COL25A1: variants seen among roughly 807,000 people sequenced by gnomAD.
The protein encoded by COL25A1 is collagen type XXV alpha 1 chain.
In COL25A1, 103 loss-of-function variants were observed where a neutral mutation model predicts 128.4. The observed-to-expected ratio is 0.80, with a 90% CI of 0.68 to 0.94. COL25A1 has a LOEUF of 0.94. Among genes scored for constraint, COL25A1 ranks in the 40% least tolerant of loss-of-function variants. COL25A1 has a pLI of 0.00. For synonymous variants in COL25A1, 279 were observed against 277.2 expected, an observed-to-expected ratio of 1.01 and a Z score of -0.06; for missense variants, 745 against 840.0, an observed-to-expected ratio of 0.89 and a Z score of 1.40.
chr4:109,013,708 G>A (rs1016155770), intron 5 of COL25A1, among the ~76,000 whole-genome samples: 9 of 151,372 alleles, frequency 5.9e-5, no homozygotes, highest in East Asian at 1.9e-4. Flanking sequence ...AACACTCACC[G>A]GGAAGGTCTG....
At chr4:109,010,308 C>T (rs1413739537) in intron 6 of COL25A1, 50 bp downstream of exon 6, 4 of 1,474,616 alleles carry the variant, frequency 2.7e-6, no homozygotes, top group Non-Finnish European at 3.7e-6. Context: ...GACCTCCACA[C>T]TGGGAAAATC....
rs375299858 is a variant in COL25A1, at chr4:108,845,128, G to A, written c.1578+61C>T. The A allele has an allele frequency of 7.8e-5, 108 of 1,379,036 alleles. 1 individual carries two copies. The South Asian group carries it at 1.2e-3, about 15-fold the overall frequency. The allele number at this position is 1,379,036 out of a possible 1,614,324, so 85.4% of individuals were successfully genotyped here. On this transcript the variant is annotated intron_variant, in intron 29 of 37. Coordinates refer to ENST00000399132, the MANE Select transcript of COL25A1 (RefSeq NM_198721.4). The stretch of plus-strand genomic sequence containing the variant: ...CATCTGGCAGAGGTGGAATAGGTAA[G>A]TAACATGTCAGTGTGTGAGGAGGTT...
rs1725616970 is a variant in COL25A1 at position 109,302,087 on chromosome 4, G to C, written c.-56-12C>G. 6.7e-7 allele frequency: 1 copy of C among 1,484,980 alleles called. No individual in the cohort carries two copies. The allele number at this position is 1,484,980 out of a possible 1,614,324, so 92.0% of individuals were successfully genotyped here. Reference sequence around the variant, plus strand: ...CACCTCAAATAATCCTAAAAGGAAAGAAAAAGGTCGATTCCTCCAAAGTTC... The same window carrying C: ...CACCTCAAATAATCCTAAAAGGAAACAAAAAGGTCGATTCCTCCAAAGTTC... On this transcript the variant is annotated splice_polypyrimidine_tract_variant and intron_variant, in intron 1 of 37. Coordinates refer to ENST00000399132, the MANE Select transcript of COL25A1 (RefSeq NM_198721.4).
At chr4:109,190,400 A>AGGAAGGAGGGAAGAAGGGAG (rs1775502623) in intron 3 of COL25A1, among the ~76,000 whole-genome samples, 1 of 152,166 alleles carries the variant, frequency 6.6e-6, no homozygotes, top group Non-Finnish European at 1.5e-5. Context: ...AGATTGAGGA[A>AGGAAGGAGGGAAGAAGGGAG]GGAAGGAGGG....
At chr4:108,888,145 C>A (rs1035175870) in intron 18 of COL25A1, among the ~76,000 whole-genome samples, 3 of 152,092 alleles carry the variant, frequency 2.0e-5, no homozygotes, top group Non-Finnish European at 2.9e-5. Context: ...AGAGAAAAAT[C>A]TGTTTTTAAA....
intron 3 of COL25A1, among the ~76,000 whole-genome samples, chr4:109,209,383 C>T (rs1777310524): frequency 6.6e-6 from 1 of 151,832 alleles, no homozygotes; most frequent in South Asian, 2.1e-4. Flanking sequence ...CTGAATAACC[C>T]AGTCAACTCC....
chr4:109,116,761 T>C (rs1044532435), intron 3 of COL25A1, among the ~76,000 whole-genome samples: 1 of 152,018 alleles, frequency 6.6e-6, no homozygotes, highest in East Asian at 1.9e-4. Flanking sequence ...GGTAAAAGTA[T>C]ATAATATGCA....
intron 3 of COL25A1, among the ~76,000 whole-genome samples, chr4:109,238,828 C>G (rs928414565): frequency 2.6e-4 from 39 of 152,020 alleles, no homozygotes; most frequent in African/African-American, 8.9e-4. Flanking sequence ...ATTCAGGCAT[C>G]CATTACCAAT....
At chr4:109,055,684 T>C (rs939060344) in intron 3 of COL25A1, among the ~76,000 whole-genome samples, 2 of 152,216 alleles carry the variant, frequency 1.3e-5, no homozygotes, top group Non-Finnish European at 2.9e-5. Flanking sequence ...TGTAAGCTCA[T>C]GAAGGGAGAA....
intron 3 of COL25A1, among the ~76,000 whole-genome samples, chr4:109,279,681 A>G (rs1000806999): frequency 6.6e-6 from 1 of 152,246 alleles, no homozygotes; most frequent in Non-Finnish European, 1.5e-5. Context: ...AATATAAATG[A>G]TAAATGTGTA....
At chr4:108,882,643 T>A (rs1414788388) in intron 19 of COL25A1, among the ~76,000 whole-genome samples, 1 of 152,198 alleles carries the variant, frequency 6.6e-6, no homozygotes, top group African/African-American at 2.4e-5. Context: ...AAACCACCTA[T>A]TAATTTGTGA....
chr4:108,982,165 G>A (rs1753042185), intron 6 of COL25A1, among the ~76,000 whole-genome samples: 1 of 152,190 alleles, frequency 6.6e-6, no homozygotes, highest in Non-Finnish European at 1.5e-5. Flanking sequence ...CTGCACTCCA[G>A]CCTGGGCAAC....
At position 108,819,422 on chromosome 4, in the gene COL25A1, GGA is replaced by G. The variant is rs1191420230; in HGVS notation, c.1846-95_1846-94del. ...GAAGTAACTACAACAACAAAGGCTG[GGA>G]GAGGAGCAACTCTGAAGGGAAAAGT... is the stretch of plus-strand genomic sequence containing the variant. On this transcript the variant is annotated intron_variant, in intron 35 of 37. Transcript: ENST00000399132. The G allele has an allele frequency of 1.6e-4, 156 of 986,960 alleles. 1 individual carries two copies. Among genetic ancestry groups the G allele is most frequent in the Non-Finnish European group, 2.3e-4 (153 of 654,268 alleles). The allele number at this position is 986,960 out of a possible 1,614,324, so 61.1% of individuals were successfully genotyped here.
chr4:109,288,962 TACACACACACACACACAC>T (rs3079876), intron 3 of COL25A1, among the ~76,000 whole-genome samples: 4 of 133,530 alleles, frequency 3.0e-5, no homozygotes, highest in Admixed American at 7.8e-5. Context: ...AAATTATATA[TACACACACACACACACAC>T]ACACACACAC....
At chr4:109,092,037 T>A (rs1764959131) in intron 3 of COL25A1, among the ~76,000 whole-genome samples, 1 of 152,194 alleles carries the variant, frequency 6.6e-6, no homozygotes, top group Non-Finnish European at 1.5e-5. Context: ...ACTGAGCTTT[T>A]CACCTTGAGG....
At chr4:109,252,146 C>G (rs900901112) in intron 3 of COL25A1, among the ~76,000 whole-genome samples, 1 of 152,218 alleles carries the variant, frequency 6.6e-6, no homozygotes, top group Admixed American at 6.5e-5. Context: ...AAAAACATCA[C>G]ATATAGGGAA....
intron 31 of COL25A1, among the ~76,000 whole-genome samples, chr4:108,839,431 G>C (rs889831635): frequency 1.3e-5 from 2 of 152,190 alleles, no homozygotes; most frequent in Non-Finnish European, 1.5e-5. Context: ...AAATGTGTTG[G>C]TGTTGGTAAG....
At chr4:109,279,388 G>A (rs1224593053) in intron 3 of COL25A1, among the ~76,000 whole-genome samples, 1 of 151,894 alleles carries the variant, frequency 6.6e-6, no homozygotes, top group Non-Finnish European at 1.5e-5. Flanking sequence ...GACCATCCTG[G>A]GCAAAATAAA....
chr4:109,298,217 G>A (rs1256551834), intron 3 of COL25A1, among the ~76,000 whole-genome samples: 1 of 152,006 alleles, frequency 6.6e-6, no homozygotes, highest in African/African-American at 2.4e-5. Context: ...TTAAAAAATT[G>A]TCCTTTTCAT....
Sources: allele counts gnomAD v4.1 joint callset (sites outside exome capture counted in the v4.1 genomes callset), GRCh38; gene constraint gnomAD v4.1.1; transcripts MANE v1.5; gene names NCBI Gene and HGNC (gene_info 2026-07-23, HGNC 2026-07-21).